MAN2A1: variants seen among roughly 807,000 people sequenced by gnomAD.
MAN2A1 encodes the protein mannosidase alpha class 2A member 1, also known as alpha-mannosidase 2.
In MAN2A1, 76 loss-of-function variants were observed where a neutral mutation model predicts 142.6. The observed-to-expected ratio is 0.53, with a 90% confidence interval of 0.44 to 0.65. The LOEUF is 0.65. Ranked by LOEUF, MAN2A1 falls within the 30% of genes least tolerant of loss-of-function variation. The pLI is 0.00. For missense variants in MAN2A1, 1,311 were observed against 1,365.1 expected (o/e 0.96, Z 0.62); for synonymous variants, 559 against 473.2 (o/e 1.18, Z -2.35).
At chr5:109,756,400 G>A (rs190201943) in intron 5 of MAN2A1, among the ~76,000 whole-genome samples, 17 of 152,200 alleles carry the variant, frequency 1.1e-4, no homozygotes, top group Admixed American at 7.9e-4. Flanking sequence ...AGTTTTTTAT[G>A]TAAGTATATG....
At chr5:109,821,716 G>C (rs958635326) in intron 15 of MAN2A1, among the ~76,000 whole-genome samples, 3 of 151,980 alleles carry the variant, frequency 2.0e-5, no homozygotes, top group Admixed American at 1.3e-4. Flanking sequence ...TTTCTTTTGT[G>C]ATTTTCCTAT....
Position 109,713,563 on chromosome 5 carries a change from G to T in MAN2A1, c.179G>T (p.Arg60Leu), listed in dbSNP as rs147296762. Residue 60 changes from arginine to leucine, a missense_variant, in exon 2 of 22, where the codon CGT (arginine) becomes CTT (leucine). Coordinates refer to ENST00000261483, the MANE Select transcript of MAN2A1 (RefSeq NM_002372.4). ...MLQEKIDHLE[R>L]LLAENNEIIS... The stretch of plus-strand genomic sequence containing the variant: ...CAAGAAAAAATAGACCATTTGGAGC[G>T]TTTGCTAGCTGAGAATAATGAGATC... 11 of 1,613,330 alleles carry T rather than the reference G, an allele frequency of 6.8e-6. No homozygotes were observed. In the East Asian group the frequency reaches 1.1e-4, roughly 16 times the overall value.
chr5:109,765,025 T>G (rs758261383), intron 5 of MAN2A1, among the ~76,000 whole-genome samples: 3 of 152,128 alleles, frequency 2.0e-5, no homozygotes, highest in Non-Finnish European at 4.4e-5. Flanking sequence ...TCCTAAGAAA[T>G]AAGGACACTT....
intron 1 of MAN2A1, 95 bp from the exon 2 acceptor site, chr5:109,713,425 C>T (rs941370283): frequency 7.4e-6 from 8 of 1,079,170 alleles, no homozygotes; most frequent in East Asian, 2.4e-5. Context: ...TGGCTGCCCT[C>T]GTAGGCAACC....
chr5:109,803,126 G>A (rs982031544), intron 12 of MAN2A1, among the ~76,000 whole-genome samples: 1 of 151,968 alleles, frequency 6.6e-6, no homozygotes, highest in Non-Finnish European at 1.5e-5. Flanking sequence ...AACTTTAAAA[G>A]AATCTTCCTT....
chr5:109,715,509 A>G (rs759328072), intron 2 of MAN2A1, among the ~76,000 whole-genome samples: 11 of 152,078 alleles, frequency 7.2e-5, no homozygotes, highest in Non-Finnish European at 1.6e-4. Flanking sequence ...GCTAGAAAAC[A>G]ATAGGATACA....
intron 12 of MAN2A1, chr5:109,804,084 C>G (rs1754100932): frequency 1.3e-6 from 1 of 758,182 alleles, no homozygotes; most frequent in African/African-American, 1.9e-5. Context: ...AGAACATAGA[C>G]TAAAGTGATG....
At chr5:109,715,219 A>G (rs942222681) in intron 2 of MAN2A1, among the ~76,000 whole-genome samples, 1 of 151,792 alleles carries the variant, frequency 6.6e-6, no homozygotes, top group South Asian at 2.1e-4. Flanking sequence ...TTAAACTCAT[A>G]TATTCCATAG....
chr5:109,845,015 C>G (rs1482642538), intron 17 of MAN2A1, among the ~76,000 whole-genome samples: 1 of 152,196 alleles, frequency 6.6e-6, no homozygotes, highest in Admixed American at 6.5e-5. Flanking sequence ...GATTAAAGAT[C>G]ACATTTGTGA....
chr5:109,857,791 C>T (rs561587227), intron 20 of MAN2A1, among the ~76,000 whole-genome samples: 1 of 152,290 alleles, frequency 6.6e-6, no homozygotes, highest in African/African-American at 2.4e-5. Context: ...CATTCAGGTC[C>T]TCTGCAGCCT....
intron 16 of MAN2A1, among the ~76,000 whole-genome samples, chr5:109,836,744 G>A (rs1755067349): frequency 6.6e-6 from 1 of 152,078 alleles, no homozygotes; most frequent in African/African-American, 2.4e-5. Context: ...TAATATATAT[G>A]TGTACTCTTC....
intron 12 of MAN2A1, among the ~76,000 whole-genome samples, chr5:109,792,478 C>CAG (rs1370447981): frequency 1.3e-5 from 2 of 152,080 alleles, no homozygotes; most frequent in African/African-American, 4.8e-5. Flanking sequence ...TAGCCAAAAA[C>CAG]AGAGCTCTGA....
At chr5:109,706,522 A>G (rs1178297825) in intron 1 of MAN2A1, among the ~76,000 whole-genome samples, 1 of 152,240 alleles carries the variant, frequency 6.6e-6, no homozygotes, top group African/African-American at 2.4e-5. Context: ...CCAAGATCAC[A>G]TGGCCAATAA....
At chr5:109,766,155 C>T (rs549330678) in intron 5 of MAN2A1, among the ~76,000 whole-genome samples, 2 of 151,968 alleles carry the variant, frequency 1.3e-5, no homozygotes, top group Non-Finnish European at 2.9e-5. Context: ...AAGTTAGTAC[C>T]GATATCTCCT....
At chr5:109,735,878 G>GT (rs35796131) in intron 4 of MAN2A1, among the ~76,000 whole-genome samples, 3,514 of 98,382 alleles carry the variant, frequency 0.036, 271 homozygotes, top group African/African-American at 0.13. Flanking sequence ...TTCCATTGGA[G>GT]TTTTTTTTTT....
intron 12 of MAN2A1, among the ~76,000 whole-genome samples, chr5:109,807,689 A>G (rs1754204206): frequency 6.6e-6 from 1 of 152,102 alleles, no homozygotes; most frequent in Non-Finnish European, 1.5e-5. Context: ...TGAGCTCCCC[A>G]TACCGTGAGC....
chr5:109,862,130 T>C (rs1580325438), intron 20 of MAN2A1, among the ~76,000 whole-genome samples: 1 of 152,320 alleles, frequency 6.6e-6, no homozygotes, highest in East Asian at 1.9e-4. Context: ...ACCCTCAGTC[T>C]TCAGAGGGAC....
chr5:109,697,218 T>G, intron 1 of MAN2A1, among the ~76,000 whole-genome samples: 1 of 152,278 alleles, frequency 6.6e-6, no homozygotes. Context: ...TCAGGCAGAC[T>G]GTTTACTTTT....
intron 4 of MAN2A1, among the ~76,000 whole-genome samples, chr5:109,730,603 A>G (rs1751876815): frequency 6.6e-6 from 1 of 152,098 alleles, no homozygotes; most frequent in South Asian, 2.1e-4. Context: ...ATCTCCATGT[A>G]TCCCCTGGAG....
Sources: gnomAD v4.1 joint callset for allele counts (sites outside exome capture counted in the v4.1 genomes callset) on GRCh38, gnomAD v4.1.1 for gene constraint, MANE v1.5 for transcripts, NCBI Gene and HGNC (gene_info 2026-07-23, HGNC 2026-07-21) for gene names.